The following ZNF197 variants were observed in gnomAD, a reference collection of about 807,000 sequenced individuals.
The protein encoded by ZNF197 is VHL-associated KRAB-A domain-containing protein.
Under a neutral mutation model 27.4 loss-of-function variants are expected in ZNF197, and 14 were observed. The ratio of observed to expected loss-of-function variants is 0.51; its 90% CI spans 0.34 to 0.80. ZNF197 has a LOEUF of 0.80. Among genes scored for constraint, ZNF197 ranks in the 30% least tolerant of loss-of-function variants. The probability of loss-of-function intolerance (pLI) is 0.02; values close to 1 mark genes in which losing one functional copy is unlikely to be tolerated. For missense variants in ZNF197, 1,090 were observed against 1,222.6 expected (o/e 0.89, Z 1.62); for synonymous variants, 415 against 420.0 (o/e 0.99, Z 0.15).
chr3:44,642,665 G>A lies in ZNF197; in HGVS notation c.1535G>A (p.Cys512Tyr), dbSNP rs1702684643. ...RLHKGEEPYK[C>Y]NKCQKAFILK... ...CACAAAGGGGAAGAACCTTATAAAT[G>A]TAATAAGTGTCAGAAAGCTTTCATT... Residue 512 changes from cysteine (C) to tyrosine (Y), a missense_variant, in exon 6 of 6, where the codon TGT becomes TAT. Coordinates refer to ENST00000344387, the MANE Select transcript of ZNF197 (RefSeq NM_006991.5). 6.2e-7 allele frequency: 1 copy of A among 1,614,036 alleles called. No individual in the cohort carries two copies. The highest frequency in any genetic ancestry group is 8.5e-7 in the Non-Finnish European group (1 of 1,180,024).
chr3:44,631,174 A>G lies in ZNF197; in HGVS notation c.503A>G (p.His168Arg). The change falls in exon 3 of 6, where the codon CAT becomes CGT. Residue 168 changes from histidine (H) to arginine (R), a missense_variant. His to Arg is a conservative substitution (Grantham distance 29). Transcript: ENST00000344387. ...CACATAGCAGCTGAAATTTGCCCGC[A>G]TCCTCCTACTGACCTAGTGGCATTC... is the stretch of plus-strand genomic sequence containing the variant. Reference protein sequence around the residue: ...GSHIAAEICPHPPTDLVAFNL... With the variant: ...GSHIAAEICPRPPTDLVAFNL... 6.2e-7 allele frequency: 1 copy of G among 1,614,132 alleles called. No homozygotes were observed. Among genetic ancestry groups the G allele is most frequent in the Non-Finnish European group, 8.5e-7 (1 of 1,180,022 alleles).
intron 3 of ZNF197, 115 bp from the exon 4 acceptor site, chr3:44,631,990 C>T (rs1201512189): frequency 7.4e-6 from 7 of 944,302 alleles, no homozygotes; most frequent in South Asian, 6.9e-5. Flanking sequence ...TGTGAGCCAC[C>T]ACGCCCTGCC....
chr3:44,628,613 T>G (rs1375811851), intron 1 of ZNF197, among the ~76,000 whole-genome samples: 1 of 152,228 alleles, frequency 6.6e-6, no homozygotes, highest in East Asian at 1.9e-4. Flanking sequence ...AAGTAACATT[T>G]AAACCCGTAT....
rs1192670794 is a variant in ZNF197 at position 44,644,150 on chromosome 3, T to G, written c.3020T>G (p.Ile1007Ser). Residue 1007 changes from isoleucine to serine, a missense_variant, in exon 6 of 6, where the codon ATC becomes AGC. Coordinates refer to ENST00000344387, the MANE Select transcript of ZNF197 (RefSeq NM_006991.5). ...QTSNLHLQQK[I>S]HTIEEFSWLQ... ...TCCAACCTTCATCTTCAACAGAAAA[T>G]CCATACCATTGAGGAATTCTCTTGG... is the stretch of plus-strand genomic sequence containing the variant. 6.2e-7 allele frequency: 1 copy of G among 1,613,546 alleles called. No individual in the cohort carries two copies. The highest frequency in any genetic ancestry group is 8.5e-7 in the Non-Finnish European group (1 of 1,179,932).
intron 1 of ZNF197, among the ~76,000 whole-genome samples, chr3:44,626,765 T>C (rs1701690475): frequency 6.6e-6 from 1 of 152,176 alleles, no homozygotes; most frequent in African/African-American, 2.4e-5. Flanking sequence ...CCTAGTGAGG[T>C]CAAATTGGCA....
chr3:44,631,715 T>G (rs1421775858), intron 3 of ZNF197, among the ~76,000 whole-genome samples: 6 of 150,702 alleles, frequency 4.0e-5, no homozygotes, highest in Non-Finnish European at 8.9e-5. Context: ...TTGTTTTTTT[T>G]TTTTGAGATG....
chr3:44,626,818 C>A (rs1329688240), intron 1 of ZNF197, among the ~76,000 whole-genome samples: 1 of 152,162 alleles, frequency 6.6e-6, no homozygotes, highest in African/African-American at 2.4e-5. Context: ...CTCAGCAATT[C>A]TGATTCAAGG....
At chr3:44,639,397 A>G (rs1033432388) in intron 5 of ZNF197, among the ~76,000 whole-genome samples, 1 of 151,860 alleles carries the variant, frequency 6.6e-6, no homozygotes, top group East Asian at 1.9e-4. Flanking sequence ...GTATTCTTTT[A>G]AGGTTTGGTA....
At position 44,629,537 on chromosome 3, in the gene ZNF197, C is replaced by A; in HGVS notation, c.383C>A (p.Ala128Glu). 6.4e-7 allele frequency: 1 copy of A among 1,554,130 alleles called. No individual in the cohort carries two copies. Among genetic ancestry groups the A allele is most frequent in the South Asian group, 1.2e-5 (1 of 80,188 alleles). ...CTGCAGAAAGACCTTGATGGACCAG[C>A]AATACAAGTGAGAAAGACAGGGAGG... ...EELQKDLDGP[A>E]IQVPVLVKDQ... Residue 128 changes from alanine (A) to glutamate (E), a missense_variant, in exon 2 of 6, where the codon GCA (alanine) becomes GAA (glutamate). By Grantham distance (107) the Ala-to-Glu change is moderately radical. Coordinates refer to ENST00000344387, the MANE Select transcript of ZNF197 (RefSeq NM_006991.5).
At position 44,631,132 on chromosome 3, in the gene ZNF197, C is replaced by G; in HGVS notation, c.461C>G (p.Pro154Arg). The G allele has an allele frequency of 1.9e-6, 3 of 1,614,170 alleles. No individual in the cohort carries two copies. The highest frequency in any genetic ancestry group is 2.5e-6 in the Non-Finnish European group (3 of 1,180,028). The change falls in exon 3 of 6, where the codon CCT becomes CGT. Residue 154 changes from proline to arginine, a missense_variant. Pro to Arg is a moderately radical substitution (Grantham distance 103). Coordinates refer to ENST00000344387, the MANE Select transcript of ZNF197 (RefSeq NM_006991.5). ...AGTGCCCCAGGAACAACACTTCCTC[C>G]TGTACTTCCTGGCAGCCACATAGCA... ...VVSAPGTTLPPVLPGSHIAAE... is the reference protein window; with the variant it reads ...VVSAPGTTLPRVLPGSHIAAE...
Position 44,644,524 on chromosome 3 carries a change from G to T in ZNF197, c.*304G>T. 1.2e-6 allele frequency: 1 copy of T among 822,470 alleles called. No homozygotes were observed. The highest frequency in any genetic ancestry group is 1.5e-6 in the Non-Finnish European group (1 of 669,436). The allele number at this position is 822,470 out of a possible 1,614,324, so 50.9% of individuals were successfully genotyped here. A position where few individuals can be genotyped will look rare whatever the true frequency, so the allele number is the denominator to read the frequency against. ...ATGGGGGCACACACCGGTAATCCCA[G>T]CTACTCAGGAGGCTGAGACAGGAGA... is the stretch of plus-strand genomic sequence containing the variant. On this transcript the variant is annotated 3_prime_UTR_variant, in exon 6 of 6. Transcript: ENST00000344387.
chr3:44,638,313 C>T (rs1702418525), intron 5 of ZNF197, among the ~76,000 whole-genome samples: 1 of 151,014 alleles, frequency 6.6e-6, no homozygotes, highest in Admixed American at 6.6e-5. Context: ...TTATACGTTT[C>T]TCAGGCTGAC....
chr3:44,629,503 G>A lies in ZNF197; in HGVS notation c.349G>A (p.Val117Ile), dbSNP rs375070406. ...AAGTGGCGAGGAGGCTGTGGCCCTG[G>A]TAGAGGAGCTGCAGAAAGACCTTGA... ...PGSGEEAVALVEELQKDLDGP... is the reference protein window; with the variant it reads ...PGSGEEAVALIEELQKDLDGP... The change falls in exon 2 of 6, where the codon GTA (valine) becomes ATA (isoleucine). Residue 117 changes from valine to isoleucine, a missense_variant. Coordinates refer to ENST00000344387, the MANE Select transcript of ZNF197 (RefSeq NM_006991.5). 1.9e-6 allele frequency: 3 copies of A among 1,587,530 alleles called. No individual in the cohort carries two copies. In the African/African-American group the frequency reaches 4.1e-5, roughly 21 times the overall value.
Position 44,646,612 on chromosome 3 carries a change from A to G in ZNF197, c.*2392A>G. The G allele has an allele frequency of 1.2e-6, 1 of 801,726 alleles. No homozygotes were observed. 49.7% of individuals were successfully genotyped at this position (801,726 alleles called of 1,614,324 possible). A position where few individuals can be genotyped will look rare whatever the true frequency, so the allele number is the denominator to read the frequency against. On this transcript the variant is annotated 3_prime_UTR_variant, in exon 6 of 6. Transcript: ENST00000344387. ...GATTCTTCAAAATATTATTATGATG[A>G]AAAAGAGAGGGGAGTGAAAATTGTT...
chr3:44,644,441 C>A lies in ZNF197; in HGVS notation c.*221C>A. On this transcript the variant is annotated 3_prime_UTR_variant, in exon 6 of 6. Coordinates refer to ENST00000344387, the MANE Select transcript of ZNF197 (RefSeq NM_006991.5). Reference sequence around the variant, plus strand: ...ATCACCTGAGGTCAGGATTTTGAGACCAGCCTGACCAACATGGTGAAACCC... The same window carrying A: ...ATCACCTGAGGTCAGGATTTTGAGAACAGCCTGACCAACATGGTGAAACCC... The A allele has an allele frequency of 9.1e-7, 1 of 1,098,320 alleles. No homozygotes were observed. Among genetic ancestry groups the A allele is most frequent in the Non-Finnish European group, 1.2e-6 (1 of 859,488 alleles). 68.0% of individuals were successfully genotyped at this position (1,098,320 alleles called of 1,614,324 possible). A position where few individuals can be genotyped will look rare whatever the true frequency, so the allele number is the denominator to read the frequency against.
Position 44,643,424 on chromosome 3 carries a change from G to A in ZNF197, c.2294G>A (p.Ser765Asn), listed in dbSNP as rs868156201. 1.2e-6 allele frequency: 2 copies of A among 1,614,196 alleles called. No individual in the cohort carries two copies. Among genetic ancestry groups the A allele is most frequent in the Non-Finnish European group, 1.7e-6 (2 of 1,180,040 alleles). Residue 765 changes from serine (S) to asparagine (N), a missense_variant, in exon 6 of 6, where the codon AGT becomes AAT. Ser to Asn is a conservative substitution (Grantham distance 46). Transcript: ENST00000344387. ...IHTGEKPFEC[S>N]ECGRAFSSNR... The stretch of plus-strand genomic sequence containing the variant: ...ACCGGAGAAAAACCCTTTGAATGCA[G>A]TGAGTGTGGAAGAGCTTTCAGTTCA...
intron 5 of ZNF197, among the ~76,000 whole-genome samples, chr3:44,639,857 C>A (rs886975668): frequency 3.9e-5 from 6 of 151,944 alleles, no homozygotes; most frequent in African/African-American, 2.4e-5. Flanking sequence ...ATAAGAGATA[C>A]TGATGATAGT....
In ZNF197 at chr3:44,643,922, AGT is replaced by A. The variant is rs753793187; in HGVS notation, c.2796_2797del (p.Cys932Ter). The A allele has an allele frequency of 3.7e-6, 6 of 1,614,116 alleles. No individual in the cohort carries two copies. The highest frequency in any genetic ancestry group is 2.2e-5 in the East Asian group (1 of 44,870). On this transcript the variant is annotated frameshift_variant, in exon 6 of 6. Transcript: ENST00000344387. LOFTEE classifies it low-confidence loss of function (END_TRUNC). ...ATGCACACTGGGGAAAAACCTTATGAGTGTGACAAGTGTAGGAAATCCTTTAC... is the reference window on the plus strand; with the variant it reads ...ATGCACACTGGGGAAAAACCTTATGAGTGACAAGTGTAGGAAATCCTTTAC...
chr3:44,646,604 T>C lies in ZNF197; in HGVS notation c.*2384T>C, dbSNP rs940890158. On this transcript the variant is annotated 3_prime_UTR_variant, in exon 6 of 6. Transcript: ENST00000344387. Reference sequence around the variant, plus strand: ...CTGCCCTGGATTCTTCAAAATATTATTATGATGAAAAAGAGAGGGGAGTGA... The same window carrying C: ...CTGCCCTGGATTCTTCAAAATATTACTATGATGAAAAAGAGAGGGGAGTGA... 1.7e-5 allele frequency: 14 copies of C among 841,920 alleles called. No individual in the cohort carries two copies. The highest frequency in any genetic ancestry group is 1.5e-4 in the Admixed American group (8 of 52,124). The allele number at this position is 841,920 out of a possible 1,614,324, so 52.2% of individuals were successfully genotyped here.
Sources: allele counts gnomAD v4.1 joint callset (sites outside exome capture counted in the v4.1 genomes callset), GRCh38; gene constraint gnomAD v4.1.1; transcripts MANE v1.5; gene names NCBI Gene and HGNC (gene_info 2026-07-23, HGNC 2026-07-21).